Variants in XYLT1 observed in about 807,000 individuals in gnomAD.
XYLT1 encodes the protein xylosyltransferase 1.
XYLT1 carries 36 observed loss-of-function variants against 91.3 expected under a neutral mutation model. The observed-to-expected ratio is 0.39, with a 90% CI of 0.30 to 0.52. The LOEUF is 0.52. XYLT1 is among the 20% of genes least tolerant of loss of function. The probability of loss-of-function intolerance (pLI) is 0.68; values close to 1 mark genes in which losing one functional copy is unlikely to be tolerated. For missense variants in XYLT1, 1,242 were observed against 1,284.5 expected (o/e 0.97, Z 0.51); for synonymous variants, 588 against 532.0 (o/e 1.11, Z -1.45).
intron 1 of XYLT1, among the ~76,000 whole-genome samples, chr16:17,365,305 C>A (rs2035438919): frequency 6.6e-6 from 1 of 152,156 alleles, no homozygotes; most frequent in African/African-American, 2.4e-5. Context: ...GGGGCTTTCT[C>A]TTCAGATGTC....
At chr16:17,124,381 G>C (rs563954863) in intron 10 of XYLT1, among the ~76,000 whole-genome samples, 2 of 152,180 alleles carry the variant, frequency 1.3e-5, no homozygotes, top group Non-Finnish European at 2.9e-5. Flanking sequence ...ATGAAGCTTA[G>C]TTTCACTGGA....
chr16:17,337,641 A>T (rs2035000625), intron 2 of XYLT1, among the ~76,000 whole-genome samples: 1 of 152,124 alleles, frequency 6.6e-6, no homozygotes, highest in Admixed American at 6.5e-5. Context: ...CCTGCTCCTT[A>T]AAAACATCAC....
intron 3 of XYLT1, chr16:17,251,177 TC>T (rs1170901881): frequency 1.3e-5 from 2 of 152,210 alleles, no homozygotes; most frequent in Non-Finnish European, 2.9e-5. Flanking sequence ...CGGCCAGCCT[TC>T]CCCCCAGAAT....
At chr16:17,391,473 T>C (rs1422821161) in intron 1 of XYLT1, among the ~76,000 whole-genome samples, 2 of 152,182 alleles carry the variant, frequency 1.3e-5, no homozygotes, top group African/African-American at 4.8e-5. Flanking sequence ...ATTCAGCCAG[T>C]TCTGCATGAA....
At chr16:17,319,886 A>G (rs1204682003) in intron 2 of XYLT1, among the ~76,000 whole-genome samples, 1 of 151,948 alleles carries the variant, frequency 6.6e-6, no homozygotes, top group Non-Finnish European at 1.5e-5. Context: ...GTACCTCTCC[A>G]CCTTCTCCCA....
At chr16:17,158,768 C>T (rs2031476965) in intron 6 of XYLT1, 61 bp downstream of exon 6, 2 of 1,580,116 alleles carry the variant, frequency 1.3e-6, no homozygotes, top group East Asian at 4.5e-5. Flanking sequence ...TAGAAAATTC[C>T]CCAAATGATC....
At chr16:17,200,458 G>A (rs761667865) in intron 4 of XYLT1, 24 bp downstream of exon 4, 4 of 1,602,682 alleles carry the variant, frequency 2.5e-6, no homozygotes, top group Non-Finnish European at 3.4e-6. Context: ...AGCCCAGCAA[G>A]GGGTGATCAC....
chr16:17,323,907 C>G (rs563694684), intron 2 of XYLT1, among the ~76,000 whole-genome samples: 4 of 152,192 alleles, frequency 2.6e-5, no homozygotes, highest in Non-Finnish European at 5.9e-5. Context: ...TCATATGTAG[C>G]TTTAAAACAT....
At chr16:17,321,342 C>CTTTTTTTTTTTTTTTTTTTTTTT (rs10606202) in intron 2 of XYLT1, among the ~76,000 whole-genome samples, 5 of 43,624 alleles carry the variant, frequency 1.1e-4, no homozygotes, top group East Asian at 1.0e-3. Context: ...ACTAACTAGC[C>CTTTTTTTTTTTTTTTTTTTTTTT]TTTTTTTTTT....
Position 17,327,602 on chromosome 16 carries a change from TC to T in XYLT1, c.402+30409del, listed in dbSNP as rs11274342. On this transcript the variant is annotated intron_variant, in intron 2 of 11. Coordinates refer to ENST00000261381, the MANE Select transcript of XYLT1 (RefSeq NM_022166.4). ...TGGTCTCAATCTCCTGACCTCGTGA[TC>T]CCGCCCCCCCCCCCCCCCCCCCCCC... Among the ~76,000 whole-genome samples, 3 of 107,032 alleles carry T rather than the reference TC, an allele frequency of 2.8e-5. 1 individual carries two copies. The highest frequency in any genetic ancestry group is 1.1e-4 in the African/African-American group (3 of 27,560). 70.2% of individuals were successfully genotyped at this position (107,032 alleles called of 152,430 possible).
At chr16:17,198,671 G>C (rs535511381) in intron 4 of XYLT1, among the ~76,000 whole-genome samples, 1 of 152,160 alleles carries the variant, frequency 6.6e-6, no homozygotes. Context: ...GGTTCACTAG[G>C]CTTGGGCTGG....
intron 3 of XYLT1, among the ~76,000 whole-genome samples, chr16:17,229,287 G>C (rs560358588): frequency 6.6e-6 from 1 of 152,176 alleles, no homozygotes; most frequent in Non-Finnish European, 1.5e-5. Context: ...GTCCTGGCCC[G>C]CATGTCCATG....
intron 9 of XYLT1, among the ~76,000 whole-genome samples, chr16:17,134,071 C>T (rs965661798): frequency 1.1e-4 from 16 of 152,176 alleles, no homozygotes; most frequent in South Asian, 2.1e-4. Flanking sequence ...TGGAAACTGC[C>T]GGGGCTGGGT....
At chr16:17,374,075 A>T (rs1200906031) in intron 1 of XYLT1, among the ~76,000 whole-genome samples, 1 of 152,184 alleles carries the variant, frequency 6.6e-6, no homozygotes, top group Non-Finnish European at 1.5e-5. Context: ...TCAGAAAGGG[A>T]GAATTAAACT....
At chr16:17,211,899 C>T (rs1446147502) in intron 3 of XYLT1, among the ~76,000 whole-genome samples, 2 of 152,172 alleles carry the variant, frequency 1.3e-5, no homozygotes, top group South Asian at 2.1e-4. Flanking sequence ...GACTGTCCTG[C>T]GCACTGTAGG....
At chr16:17,422,786 G>A (rs2036265514) in intron 1 of XYLT1, among the ~76,000 whole-genome samples, 1 of 152,186 alleles carries the variant, frequency 6.6e-6, no homozygotes. Context: ...AAAGTACTGG[G>A]ATTACAGGTG....
At chr16:17,291,548 T>A (rs1310357989) in intron 2 of XYLT1, among the ~76,000 whole-genome samples, 1 of 152,100 alleles carries the variant, frequency 6.6e-6, no homozygotes, top group East Asian at 1.9e-4. Context: ...CCACCTCAAT[T>A]TTCCCAGCCT....
chr16:17,371,708 C>T (rs1307938634), intron 1 of XYLT1, among the ~76,000 whole-genome samples: 1 of 152,174 alleles, frequency 6.6e-6, no homozygotes, highest in Non-Finnish European at 1.5e-5. Flanking sequence ...GTGGCAGGTG[C>T]AGCATATTTT....
At chr16:17,171,768 A>T (rs541454901) in intron 5 of XYLT1, among the ~76,000 whole-genome samples, 4 of 152,378 alleles carry the variant, frequency 2.6e-5, no homozygotes, top group East Asian at 3.9e-4. Flanking sequence ...ACACCTCAGT[A>T]GAGGTTTCCT....
Sources: gnomAD v4.1 joint callset for allele counts (sites outside exome capture counted in the v4.1 genomes callset) on GRCh38, gnomAD v4.1.1 for gene constraint, MANE v1.5 for transcripts, NCBI Gene and HGNC (gene_info 2026-07-23, HGNC 2026-07-21) for gene names.